The following ZMIZ1 variants were observed in gnomAD, a reference collection of about 807,000 sequenced individuals.
The protein encoded by ZMIZ1 is zinc finger MIZ-type containing 1.
Under a neutral mutation model 113.9 loss-of-function variants are expected in ZMIZ1, and 17 were observed. That is an observed-to-expected ratio of 0.15 (90% confidence interval 0.10 to 0.22). ZMIZ1 has a LOEUF of 0.22. ZMIZ1 is among the 10% of genes least tolerant of loss of function. ZMIZ1 has a pLI of 1.00. For missense variants in ZMIZ1, 1,059 were observed against 1,477.8 expected (o/e 0.72, Z 4.65); for synonymous variants, 607 against 603.1 (o/e 1.01, Z -0.09).
At chr10:79,288,073 G>C (rs1853204169) in intron 8 of ZMIZ1, among the ~76,000 whole-genome samples, 1 of 152,172 alleles carries the variant, frequency 6.6e-6, no homozygotes, top group Non-Finnish European at 1.5e-5. Context: ...AGAAATCTAG[G>C]GCAGAGGGTA....
At chr10:79,150,057 G>T (rs1845650926) in intron 3 of ZMIZ1, among the ~76,000 whole-genome samples, 1 of 152,216 alleles carries the variant, frequency 6.6e-6, no homozygotes, top group African/African-American at 2.4e-5. Flanking sequence ...CCTCTCCCCT[G>T]GGCTGGGTGG....
chr10:79,272,180 G>A (rs777004245), intron 7 of ZMIZ1, among the ~76,000 whole-genome samples: 8 of 152,112 alleles, frequency 5.3e-5, no homozygotes, highest in Non-Finnish European at 5.9e-5. Flanking sequence ...CAGCTACTCG[G>A]GATGCTGAGG....
In ZMIZ1 at chr10:79,314,525, A is replaced by G. The variant is rs1855414630; in HGVS notation, c.*1776A>G. 6.5e-6 allele frequency: 2 copies of G among 308,100 alleles called. No individual in the cohort carries two copies. The highest frequency in any genetic ancestry group is 8.8e-5 in the East Asian group (1 of 11,338). The allele number at this position is 308,100 out of a possible 1,614,324, so 19.1% of individuals were successfully genotyped here. On this transcript the variant is annotated 3_prime_UTR_variant, in exon 25 of 25. Transcript: ENST00000334512. Reference sequence around the variant, plus strand: ...GGTTTTTTCAAATAGCGTGTTGTTCAGTATGCAAATCAATTATTTTAAGAA... The same window carrying G: ...GGTTTTTTCAAATAGCGTGTTGTTCGGTATGCAAATCAATTATTTTAAGAA...
At chr10:79,242,926 C>A (rs1178216260) in intron 7 of ZMIZ1, among the ~76,000 whole-genome samples, 2 of 151,936 alleles carry the variant, frequency 1.3e-5, no homozygotes, top group Non-Finnish European at 2.9e-5. Context: ...CTCGCTCGCG[C>A]TCCCTCGCAG....
intron 3 of ZMIZ1, among the ~76,000 whole-genome samples, chr10:79,153,388 G>A (rs1203278130): frequency 6.6e-6 from 1 of 152,244 alleles, no homozygotes; most frequent in Non-Finnish European, 1.5e-5. Context: ...TCAAGGGATG[G>A]GAGGCACTTG....
At chr10:79,159,806 T>G (rs935590937) in intron 3 of ZMIZ1, among the ~76,000 whole-genome samples, 3 of 152,314 alleles carry the variant, frequency 2.0e-5, no homozygotes, top group East Asian at 3.9e-4. Flanking sequence ...TATGGCTGGG[T>G]GACCCTAGCT....
At chr10:79,181,860 C>T (rs1220593880) in intron 4 of ZMIZ1, among the ~76,000 whole-genome samples, 1 of 152,206 alleles carries the variant, frequency 6.6e-6, no homozygotes, top group African/African-American at 2.4e-5. Context: ...GCCTCCCAGC[C>T]ACCACCACCA....
chr10:79,277,406 T>C (rs1359303819), intron 8 of ZMIZ1, 81 bp downstream of exon 8: 1 of 1,462,610 alleles, frequency 6.8e-7, no homozygotes, highest in Non-Finnish European at 9.0e-7. Context: ...GTCCCTGGGG[T>C]GGGGGCCTCT....
intron 14 of ZMIZ1, 90 bp from the exon 15 acceptor site, chr10:79,298,316 C>T (rs1391648478): frequency 1.1e-5 from 16 of 1,417,228 alleles, no homozygotes; most frequent in Non-Finnish European, 1.4e-5. Flanking sequence ...GGCTCCAGGC[C>T]CCTGGGATGA....
chr10:79,072,103 C>T (rs1197443314), intron 1 of ZMIZ1, among the ~76,000 whole-genome samples: 1 of 152,144 alleles, frequency 6.6e-6, no homozygotes, highest in Non-Finnish European at 1.5e-5. Context: ...ATAGCCTTGT[C>T]TATGCAGAAA....
intron 7 of ZMIZ1, among the ~76,000 whole-genome samples, chr10:79,238,511 A>G (rs1392069320): frequency 1.3e-5 from 2 of 152,252 alleles, no homozygotes; most frequent in African/African-American, 4.8e-5. Flanking sequence ...AAATGCATAG[A>G]TGCTAAACTC....
At chr10:79,196,469 G>A (rs1847836699) in intron 4 of ZMIZ1, among the ~76,000 whole-genome samples, 1 of 152,218 alleles carries the variant, frequency 6.6e-6, no homozygotes, top group South Asian at 2.1e-4. Context: ...AGAGCGGGTA[G>A]ATAGGGGACC....
At chr10:79,180,231 A>G (rs1309716952) in intron 4 of ZMIZ1, among the ~76,000 whole-genome samples, 1 of 152,102 alleles carries the variant, frequency 6.6e-6, no homozygotes, top group Non-Finnish European at 1.5e-5. Context: ...CAGGCTGTGC[A>G]CACCCAAGCA....
At chr10:79,211,410 G>T (rs1353182459) in intron 6 of ZMIZ1, among the ~76,000 whole-genome samples, 1 of 151,980 alleles carries the variant, frequency 6.6e-6, no homozygotes, top group Non-Finnish European at 1.5e-5. Context: ...CCTAGGTGGG[G>T]CAAGACAGCT....
chr10:79,289,540 T>C (rs909999881), intron 8 of ZMIZ1, among the ~76,000 whole-genome samples: 1 of 152,154 alleles, frequency 6.6e-6, no homozygotes, highest in Non-Finnish European at 1.5e-5. Flanking sequence ...GCCATGGAAG[T>C]AGCTCTCTGC....
chr10:79,293,741 G>A (rs1411675496), intron 12 of ZMIZ1, 88 bp downstream of exon 12: 1 of 1,596,134 alleles, frequency 6.3e-7, no homozygotes, highest in African/African-American at 1.3e-5. Flanking sequence ...TGGAAGGGGT[G>A]TGGCTTGGAC....
chr10:79,270,795 G>A (rs1371082999), intron 7 of ZMIZ1, among the ~76,000 whole-genome samples: 1 of 152,166 alleles, frequency 6.6e-6, no homozygotes, highest in African/African-American at 2.4e-5. Flanking sequence ...CTAAAAGCCA[G>A]GGCCCTAGAG....
chr10:79,164,032 GA>G (rs956963378), intron 4 of ZMIZ1, among the ~76,000 whole-genome samples: 15 of 145,352 alleles, frequency 1.0e-4, no homozygotes, highest in East Asian at 4.2e-4. Flanking sequence ...CTTTGAAAAA[GA>G]AAAAAAAAAT....
chr10:79,215,460 G>A (rs1013929317), intron 6 of ZMIZ1, among the ~76,000 whole-genome samples: 4 of 151,950 alleles, frequency 2.6e-5, no homozygotes, highest in East Asian at 1.9e-4. Context: ...CCACACACTC[G>A]GCTAATTTTT....
Sources: gnomAD v4.1 joint callset for allele counts (sites outside exome capture counted in the v4.1 genomes callset) on GRCh38, gnomAD v4.1.1 for gene constraint, MANE v1.5 for transcripts, NCBI Gene and HGNC (gene_info 2026-07-23, HGNC 2026-07-21) for gene names.